Variants in NBEAL1 observed in about 807,000 individuals in gnomAD.
NBEAL1 encodes the protein neurobeachin-like protein 1.
Under a neutral mutation model 351.3 loss-of-function variants are expected in NBEAL1, and 273 were observed. The observed-to-expected ratio is 0.78, with a 90% CI of 0.70 to 0.86. The LOEUF (loss-of-function observed/expected upper bound fraction) is 0.86. Among genes scored for constraint, NBEAL1 ranks in the 40% least tolerant of loss-of-function variants. The probability of loss-of-function intolerance (pLI) is 0.00; values close to 1 mark genes in which losing one functional copy is unlikely to be tolerated. For synonymous variants in NBEAL1, 1,050 were observed against 1,086.4 expected (o/e 0.97, Z 0.66); for missense variants, 2,961 against 3,201.3 (o/e 0.92, Z 1.81).
At chr2:203,090,781 T>C (rs2062048624) in intron 10 of NBEAL1, among the ~76,000 whole-genome samples, 1 of 151,924 alleles carries the variant, frequency 6.6e-6, no homozygotes, top group South Asian at 2.1e-4. Context: ...CCCAGCTACC[T>C]GGGAGGCTGA....
chr2:203,067,275 G>A (rs939571397), intron 6 of NBEAL1, among the ~76,000 whole-genome samples: 3 of 152,194 alleles, frequency 2.0e-5, no homozygotes, highest in African/African-American at 7.2e-5. Flanking sequence ...AACATGTTTT[G>A]TTTGAAATTA....
chr2:203,130,448 C>G lies in NBEAL1; in HGVS notation c.3536C>G (p.Ser1179Cys), dbSNP rs1379419075. Residue 1179 changes from serine to cysteine, a missense_variant, in exon 25 of 56, where the codon TCT (serine) becomes TGT (cysteine). Transcript: ENST00000683969. ...GCATTGCTCTTAAATCAGAAGTACTCTGACAGACTAAGAGAAATCATTTTT... is the reference window on the plus strand; with the variant it reads ...GCATTGCTCTTAAATCAGAAGTACTGTGACAGACTAAGAGAAATCATTTTT... Reference protein sequence around the residue: ...LYALLLNQKYSDRLREIIFKI... With the variant: ...LYALLLNQKYCDRLREIIFKI... 68 of 1,462,278 alleles carry G rather than the reference C, an allele frequency of 4.7e-5. No homozygotes were observed. Among genetic ancestry groups the G allele is most frequent in the Non-Finnish European group, 5.9e-5 (66 of 1,113,394 alleles). The allele number at this position is 1,462,278 out of a possible 1,614,324, so 90.6% of individuals were successfully genotyped here. A position where few individuals can be genotyped will look rare whatever the true frequency, so the allele number is the denominator to read the frequency against.
At position 203,117,594 on chromosome 2, in the gene NBEAL1, C is replaced by A. The variant is rs149605094; in HGVS notation, c.2592+1524C>A. ...CCCAGTTCTTTTGTTTCTCCCAGTT[C>A]TTTTGTCTTTTTTTCCTCAGTCCTT... On this transcript the variant is annotated intron_variant, in intron 18 of 55. Coordinates refer to ENST00000683969, the MANE Select transcript of NBEAL1 (RefSeq NM_001378026.1). Among the ~76,000 whole-genome samples, 391 of 152,282 alleles carry A rather than the reference C, an allele frequency of 2.6e-3. 3 individuals carry two copies. The highest frequency in any genetic ancestry group is 8.1e-3 in the African/African-American group (336 of 41,550).
intron 8 of NBEAL1, among the ~76,000 whole-genome samples, chr2:203,082,238 G>A (rs1406177251): frequency 6.6e-6 from 1 of 152,214 alleles, no homozygotes; most frequent in Non-Finnish European, 1.5e-5. Flanking sequence ...CTCCTTAGCA[G>A]CAGGGGCGGC....
At chr2:203,164,526 TAA>T (rs1559028464) in intron 36 of NBEAL1, among the ~76,000 whole-genome samples, 1 of 152,142 alleles carries the variant, frequency 6.6e-6, no homozygotes, top group East Asian at 1.9e-4. Flanking sequence ...TTTTGTCATT[TAA>T]TATAAATAAC....
At chr2:203,191,691 T>A (rs1443763201) in intron 46 of NBEAL1, among the ~76,000 whole-genome samples, 1 of 152,204 alleles carries the variant, frequency 6.6e-6, no homozygotes, top group African/African-American at 2.4e-5. Flanking sequence ...TAGCCTATAA[T>A]GCCTTTGAGA....
In NBEAL1 at chr2:203,217,903, A is replaced by G. The variant is rs2065914576; in HGVS notation, c.*549A>G. On this transcript the variant is annotated 3_prime_UTR_variant, in exon 56 of 56. Transcript: ENST00000683969. ...GAATATTGAAACTGGTACATTAGCT[A>G]ATTCTATTACTACTTAGCGTGTTTC... The G allele has an allele frequency of 2.0e-6, 2 of 977,122 alleles. No individual in the cohort carries two copies. Among genetic ancestry groups the G allele is most frequent in the Middle Eastern group, 5.3e-4 (1 of 1,904 alleles). 60.5% of individuals were successfully genotyped at this position (977,122 alleles called of 1,614,324 possible).
intron 2 of NBEAL1, among the ~76,000 whole-genome samples, chr2:203,021,407 A>G (rs1377633042): frequency 2.0e-5 from 3 of 151,768 alleles, no homozygotes; most frequent in Non-Finnish European, 4.4e-5. Flanking sequence ...CAACCTGGGC[A>G]ACATGGTGAA....
chr2:203,136,807 T>C, intron 29 of NBEAL1, 33 bp downstream of exon 29: 2 of 1,583,678 alleles, frequency 1.3e-6, no homozygotes, highest in Non-Finnish European at 1.7e-6. Context: ...TCCATCCTCC[T>C]TTTGGTGACA....
At chr2:203,112,369 G>A (rs1443140748) in intron 16 of NBEAL1, among the ~76,000 whole-genome samples, 1 of 152,198 alleles carries the variant, frequency 6.6e-6, no homozygotes, top group Non-Finnish European at 1.5e-5. Context: ...GAAATGAATA[G>A]AGCAGATCAA....
chr2:203,173,229 C>T (rs1312438555), intron 41 of NBEAL1, among the ~76,000 whole-genome samples: 1 of 151,988 alleles, frequency 6.6e-6, no homozygotes, highest in Non-Finnish European at 1.5e-5. Context: ...GGTAGATATA[C>T]AACTTATACT....
chr2:203,188,435 A>C, intron 44 of NBEAL1, 37 bp from the exon 45 acceptor site: 26,765 of 603,184 alleles, frequency 0.044, no homozygotes, highest in Non-Finnish European at 0.067. Context: ...GTTGGAAGAT[A>C]TCTCTATATT....
chr2:203,099,780 C>T, intron 12 of NBEAL1, 68 bp downstream of exon 12: 1 of 1,063,488 alleles, frequency 9.4e-7, no homozygotes. Context: ...GGTACATGTG[C>T]AGGTTTGTTA....
chr2:203,071,364 C>G (rs1284842437), intron 7 of NBEAL1, among the ~76,000 whole-genome samples: 1 of 152,182 alleles, frequency 6.6e-6, no homozygotes, highest in Non-Finnish European at 1.5e-5. Context: ...TCTTCCTCTT[C>G]TTACAAGGGC....
At chr2:203,056,628 C>T (rs937234976) in intron 5 of NBEAL1, 120 bp downstream of exon 5, 2 of 629,344 alleles carry the variant, frequency 3.2e-6, no homozygotes, top group Admixed American at 2.6e-5. Context: ...GTGCAATGGC[C>T]CGATCTTGGC....
At chr2:203,032,660 CTTTTT>C (rs747309074) in intron 2 of NBEAL1, among the ~76,000 whole-genome samples, 1 of 70,144 alleles carries the variant, frequency 1.4e-5, no homozygotes, top group Non-Finnish European at 2.5e-5. Context: ...GAAATTGTAG[CTTTTT>C]TTTTTTTTTT....
At chr2:203,154,200 C>A (rs532091141) in intron 35 of NBEAL1, among the ~76,000 whole-genome samples, 1 of 144,100 alleles carries the variant, frequency 6.9e-6, no homozygotes, top group Admixed American at 6.8e-5. Flanking sequence ...TGTGCCACTG[C>A]ACTCCAGCCT....
At chr2:203,184,541 A>G (rs1014937354) in intron 44 of NBEAL1, among the ~76,000 whole-genome samples, 15 of 152,110 alleles carry the variant, frequency 9.9e-5, no homozygotes, top group Non-Finnish European at 2.2e-4. Context: ...TATCTTGCAG[A>G]TGATATTGAT....
intron 19 of NBEAL1, among the ~76,000 whole-genome samples, chr2:203,123,319 CTTTTTCTTTTCTTTTCT>C (rs2062868442): frequency 1.3e-5 from 2 of 149,184 alleles, no homozygotes; most frequent in African/African-American, 4.9e-5. Context: ...AACACTTGTT[CTTTTTCTTTTCTTTTCT>C]TTTTTCTTTT....
Sources: gnomAD v4.1 joint callset for allele counts (sites outside exome capture counted in the v4.1 genomes callset) on GRCh38, gnomAD v4.1.1 for gene constraint, MANE v1.5 for transcripts, NCBI Gene and HGNC (gene_info 2026-07-23, HGNC 2026-07-21) for gene names.